EXPH5: variants seen among roughly 807,000 people sequenced by gnomAD.
The protein encoded by EXPH5 is exophilin 5.
EXPH5 carries 42 observed loss-of-function variants against 41.1 expected under a neutral mutation model. The ratio of observed to expected loss-of-function variants is 1.02; its 90% CI spans 0.80 to 1.32. The LOEUF is 1.32. Ranked by LOEUF, EXPH5 falls within the 40% of genes most tolerant of loss-of-function variation. EXPH5 has a pLI of 0.00. For synonymous variants in EXPH5, 798 were observed against 833.5 expected (o/e 0.96, Z 0.73); for missense variants, 2,298 against 2,314.5 (o/e 0.99, Z 0.15).
Position 108,528,187 on chromosome 11 carries a change from G to T in EXPH5, c.444-3C>A. The T allele has an allele frequency of 6.2e-7, 1 of 1,607,430 alleles. No individual in the cohort carries two copies. Among genetic ancestry groups the T allele is most frequent in the Non-Finnish European group, 8.5e-7 (1 of 1,174,314 alleles). On this transcript the variant is annotated splice_region_variant and splice_polypyrimidine_tract_variant and intron_variant, in intron 3 of 5. Coordinates refer to ENST00000265843, the MANE Select transcript of EXPH5 (RefSeq NM_015065.3). ...GAGGTCCTGCATGGCCATCACATCT[G>T]TGGAAATAATTTGAAATGATTTCTT...
chr11:108,519,768 A>G (rs2135954129), intron 4 of EXPH5, among the ~76,000 whole-genome samples: 1 of 151,308 alleles, frequency 6.6e-6, no homozygotes, highest in Non-Finnish European at 1.5e-5. Context: ...AAAAAAAGAA[A>G]AAAAAACCCA....
the EXPH5 span, among the ~76,000 whole-genome samples, chr11:108,607,010 A>G: frequency 6.6e-6 from 1 of 152,224 alleles, no homozygotes; most frequent in African/African-American, 2.4e-5. Context: ...GGAGGTCTAA[A>G]AATCTCTGTC....
At chr11:108,547,001 C>T (rs1238936528) in intron 1 of EXPH5, among the ~76,000 whole-genome samples, 2 of 151,634 alleles carry the variant, frequency 1.3e-5, no homozygotes, top group African/African-American at 4.8e-5. Flanking sequence ...CGGGGTTTCA[C>T]CATATTGGCC....
intron 1 of EXPH5, among the ~76,000 whole-genome samples, chr11:108,542,497 C>G (rs544042760): frequency 6.6e-6 from 1 of 152,066 alleles, no homozygotes; most frequent in Non-Finnish European, 1.5e-5. Context: ...TCTAATGACA[C>G]GCAGAAACTA....
intron 1 of EXPH5, among the ~76,000 whole-genome samples, chr11:108,585,438 G>A (rs140432077): frequency 6.6e-5 from 10 of 152,270 alleles, no homozygotes; most frequent in South Asian, 2.1e-4. Flanking sequence ...AGGCCTGAGA[G>A]GAAGCCTTTT....
chr11:108,528,250 A>G, intron 3 of EXPH5, 66 bp from the exon 4 acceptor site: 2 of 1,068,946 alleles, frequency 1.9e-6, no homozygotes, highest in South Asian at 1.3e-5. Context: ...GGAAAAATCA[A>G]CAGCACATTT....
chr11:108,510,645 G>A lies in EXPH5; in HGVS notation c.4862C>T (p.Pro1621Leu). 6.2e-7 allele frequency: 1 copy of A among 1,614,158 alleles called. No individual in the cohort carries two copies. The highest frequency in any genetic ancestry group is 8.5e-7 in the Non-Finnish European group (1 of 1,180,036). ...SPRRHVATIF[P>L]QSGSRSGFDH... Reference sequence around the variant, plus strand: ...AAAGCCAGATCTGCTTCCACTTTGGGGGAAGATAGTAGCTACATGTCTTCT... The same window carrying A: ...AAAGCCAGATCTGCTTCCACTTTGGAGGAAGATAGTAGCTACATGTCTTCT... Residue 1621 changes from proline (P) to leucine (L), a missense_variant, in exon 6 of 6, where the codon CCC (proline) becomes CTC (leucine). Pro to Leu is a moderately conservative substitution (Grantham distance 98). Transcript: ENST00000265843.
the EXPH5 span, among the ~76,000 whole-genome samples, chr11:108,602,179 T>C: frequency 6.6e-6 from 1 of 152,256 alleles, no homozygotes; most frequent in Admixed American, 6.5e-5. Context: ...TACTGTATCC[T>C]GCATCCATTT....
At chr11:108,576,106 A>G (rs569555257) in intron 1 of EXPH5, among the ~76,000 whole-genome samples, 2 of 152,348 alleles carry the variant, frequency 1.3e-5, no homozygotes, top group South Asian at 4.1e-4. Context: ...ACAGGTACTC[A>G]AACAAATACT....
intron 1 of EXPH5, among the ~76,000 whole-genome samples, chr11:108,562,508 C>G (rs2094017229): frequency 6.6e-6 from 1 of 151,536 alleles, no homozygotes; most frequent in Non-Finnish European, 1.5e-5. Context: ...ACTAGAGAGG[C>G]TGAGGTGGAA....
chr11:108,573,033 T>C (rs1443816477), intron 1 of EXPH5, among the ~76,000 whole-genome samples: 4 of 144,692 alleles, frequency 2.8e-5, no homozygotes, highest in African/African-American at 1.0e-4. Flanking sequence ...CTGAATAATA[T>C]AGAGAGAACT....
At chr11:108,515,342 C>G (rs1416698951) in intron 5 of EXPH5, among the ~76,000 whole-genome samples, 6 of 151,358 alleles carry the variant, frequency 4.0e-5, no homozygotes, top group Admixed American at 3.9e-4. Context: ...GTGTATACCT[C>G]CTGGGATCAT....
In EXPH5 at chr11:108,593,729, G is replaced by A; in HGVS notation, c.-193C>T. ...GGGCTCATATTGACAATACCTTAAT[G>A]ACATGTTTCTCTCAACCTGTCCAAC... On this transcript the variant is annotated 5_prime_UTR_variant, in exon 1 of 6. Transcript: ENST00000265843. The A allele has an allele frequency of 1.3e-6, 2 of 1,537,634 alleles. No individual in the cohort carries two copies. The highest frequency in any genetic ancestry group is 1.7e-6 in the Non-Finnish European group (2 of 1,147,126).
intron 1 of EXPH5, among the ~76,000 whole-genome samples, chr11:108,551,122 C>T (rs758011228): frequency 2.0e-4 from 30 of 152,200 alleles, no homozygotes; most frequent in African/African-American, 4.8e-4. Context: ...GCTCCAGCAT[C>T]GTCCTCATTT....
chr11:108,581,430 T>C lies in EXPH5; in HGVS notation c.119+11988A>G, dbSNP rs141491171. ...TTTGAGATTATGAATATGCTAATTA[T>C]CCAGATCTAATCACCATGTATTATA... On this transcript the variant is annotated intron_variant, in intron 1 of 5. Transcript: ENST00000265843. Among the ~76,000 whole-genome samples, 5 of 152,242 alleles carry C rather than the reference T, an allele frequency of 3.3e-5. No individual in the cohort carries two copies. In the East Asian group the frequency reaches 9.6e-4, roughly 29 times the overall value.
At chr11:108,532,366 A>ATATATT (rs1555192606) in intron 3 of EXPH5, among the ~76,000 whole-genome samples, 1 of 32,144 alleles carries the variant, frequency 3.1e-5, no homozygotes, top group African/African-American at 2.0e-4. Flanking sequence ...ATATATATAT[A>ATATATT]TTTTTTTTTT....
intron 3 of EXPH5, among the ~76,000 whole-genome samples, chr11:108,537,774 C>T (rs1353138237): frequency 6.6e-6 from 1 of 152,200 alleles, no homozygotes; most frequent in Non-Finnish European, 1.5e-5. Context: ...AGCTATACAA[C>T]ATTCTGCCTT....
intron 1 of EXPH5, among the ~76,000 whole-genome samples, chr11:108,588,448 T>C (rs1429721268): frequency 1.3e-5 from 2 of 152,190 alleles, no homozygotes; most frequent in Non-Finnish European, 2.9e-5. Flanking sequence ...TTTGGTACTG[T>C]AGGAGGCAGC....
chr11:108,514,702 T>C lies in EXPH5; in HGVS notation c.805A>G (p.Met269Val). The C allele has an allele frequency of 6.2e-7, 1 of 1,606,542 alleles. No homozygotes were observed. The highest frequency in any genetic ancestry group is 8.5e-7 in the Non-Finnish European group (1 of 1,177,558). Residue 269 changes from methionine to valine, a missense_variant, in exon 6 of 6, where the codon ATG becomes GTG. By Grantham distance (21) the Met-to-Val change is conservative (BLOSUM62 1). Coordinates refer to ENST00000265843, the MANE Select transcript of EXPH5 (RefSeq NM_015065.3). Reference sequence around the variant, plus strand: ...GGTCTTAGGATGTCATAGATAGACATATTGGAAGTTTCATTATAGTGTTTT... The same window carrying C: ...GGTCTTAGGATGTCATAGATAGACACATTGGAAGTTTCATTATAGTGTTTT... ...HKKHYNETSN[M>V]SIYDILRPGT... is the part of the protein sequence containing the mutation.
Sources: gnomAD v4.1 joint callset for allele counts (sites outside exome capture counted in the v4.1 genomes callset) on GRCh38, gnomAD v4.1.1 for gene constraint, MANE v1.5 for transcripts, NCBI Gene and HGNC (gene_info 2026-07-23, HGNC 2026-07-21) for gene names.